Variants in COL4A5 observed in about 807,000 individuals in gnomAD.
The protein encoded by COL4A5 is collagen type IV alpha 5 chain.
In COL4A5, 26 loss-of-function variants were observed where a neutral mutation model predicts 130.2. The ratio of observed to expected loss-of-function variants is 0.20; its 90% CI spans 0.15 to 0.28. The LOEUF (loss-of-function observed/expected upper bound fraction) is 0.28. Among genes scored for constraint, COL4A5 ranks in the 10% least tolerant of loss-of-function variants. The pLI is 1.00. For missense variants in COL4A5, 1,131 were observed against 1,344.3 expected (o/e 0.84, Z 2.48); for synonymous variants, 496 against 439.6 (o/e 1.13, Z -1.60).
At chrX:108,605,134 C>T (rs986555026) in intron 28 of COL4A5, among the ~76,000 whole-genome samples, 3 of 112,287 alleles carry the variant, frequency 2.7e-5, no homozygotes, top group Admixed American at 9.5e-5. Flanking sequence ...TTTTCCTTCA[C>T]ATTCACAACT....
At chrX:108,447,562 G>A (rs1341928717) in intron 1 of COL4A5, among the ~76,000 whole-genome samples, 1 of 111,950 alleles carries the variant, frequency 8.9e-6, no homozygotes, top group African/African-American at 3.3e-5. Flanking sequence ...AAGCTCCTGA[G>A]TGATAGGGAT....
rs371346512 is a variant in COL4A5, at chrX:108,696,699, C to T, written c.*321C>T. 1 of 150,339 alleles carries T rather than the reference C, an allele frequency of 6.7e-6. No individual in the cohort carries two copies. Among genetic ancestry groups the T allele is most frequent in the African/African-American group, 3.1e-5 (1 of 31,826 alleles). 12.4% of individuals were successfully genotyped at this position (150,339 alleles called of 1,213,427 possible). A position where few individuals can be genotyped will look rare whatever the true frequency, so the allele number is the denominator to read the frequency against. ...TTACTAAAATGGTACATTAAAAATT[C>T]AATTAAGAGAAGAGTCACATTGAGT... is the stretch of plus-strand genomic sequence containing the variant. On this transcript the variant is annotated 3_prime_UTR_variant, in exon 53 of 53. Coordinates refer to ENST00000328300, the MANE Select transcript of COL4A5 (RefSeq NM_033380.3).
At position 108,578,307 on chromosome X, in the gene COL4A5, A is replaced by G; in HGVS notation, c.704A>G (p.Gln235Arg). 1 of 1,210,022 alleles carries G rather than the reference A, an allele frequency of 8.3e-7. No homozygotes were observed. The highest frequency in any genetic ancestry group is 1.1e-6 in the Non-Finnish European group (1 of 893,664). Reference protein sequence around the residue: ...PKGEKGEQGLQGPPGPPGQIS... With the variant: ...PKGEKGEQGLRGPPGPPGQIS... ...TGCAAACAGGGTGAGCAAGGTCTTCAGGGCCCACCTGGGCCACCTGGGCAG... is the reference window on the plus strand; with the variant it reads ...TGCAAACAGGGTGAGCAAGGTCTTCGGGGCCCACCTGGGCCACCTGGGCAG... The change falls in exon 13 of 53, where the codon CAG (glutamine) becomes CGG (arginine). Residue 235 changes from glutamine (Q) to arginine (R), a missense_variant. Transcript: ENST00000328300.
intron 13 of COL4A5, 65 bp downstream of exon 13, chrX:108,578,448 G>T: frequency 1.3e-6 from 1 of 749,106 alleles, no homozygotes; most frequent in Non-Finnish European, 2.1e-6. Context: ...TTTGATGGTG[G>T]TAATCACATC....
intron 2 of COL4A5, among the ~76,000 whole-genome samples, chrX:108,550,396 C>T (rs2065733617): frequency 8.9e-6 from 1 of 111,968 alleles, no homozygotes; most frequent in Non-Finnish European, 1.9e-5. Context: ...AATTGTGACT[C>T]ACTATATTAA....
chrX:108,615,063 A>G (rs759040610), intron 30 of COL4A5, 39 bp downstream of exon 30: 3 of 954,954 alleles, frequency 3.1e-6, no homozygotes, highest in East Asian at 6.2e-5. Flanking sequence ...AGCACTCATA[A>G]TATATACATT....
At chrX:108,537,758 A>C (rs2065476923) in intron 1 of COL4A5, among the ~76,000 whole-genome samples, 2 of 111,985 alleles carry the variant, frequency 1.8e-5, no homozygotes, top group Admixed American at 1.9e-4. Flanking sequence ...TCAAATGTTA[A>C]TTATTCTTAC....
intron 36 of COL4A5, among the ~76,000 whole-genome samples, chrX:108,646,440 T>C (rs1262711661): frequency 1.8e-5 from 2 of 111,844 alleles, no homozygotes; most frequent in African/African-American, 6.5e-5. Context: ...TGTTTTTTTC[T>C]TGTAAATTTG....
chrX:108,695,378 A>G lies in COL4A5; in HGVS notation c.4933A>G (p.Asn1645Asp), dbSNP rs1181315377. 1 of 1,211,499 alleles carries G rather than the reference A, an allele frequency of 8.3e-7. No individual in the cohort carries two copies. The highest frequency in any genetic ancestry group is 2.3e-4 in the Middle Eastern group (1 of 4,351). The change falls in exon 52 of 53, where the codon AAC (asparagine) becomes GAC (aspartate). Residue 1645 changes from asparagine (N) to aspartate (D), a missense_variant. By Grantham distance (23) the Asn-to-Asp change is conservative (BLOSUM62 1). Coordinates refer to ENST00000328300, the MANE Select transcript of COL4A5 (RefSeq NM_033380.3). ...CGAATGTCATGGGAGGGGTACCTGT[A>G]ACTACTATGCCAACTCCTACAGCTT... ...FIECHGRGTC[N>D]YYANSYSFWL...
intron 9 of COL4A5, among the ~76,000 whole-genome samples, chrX:108,574,979 A>G (rs779581447): frequency 1.7e-4 from 19 of 110,960 alleles, no homozygotes; most frequent in Admixed American, 1.6e-3. Flanking sequence ...CGTGGAGACA[A>G]GTTCTCACCA....
intron 1 of COL4A5, among the ~76,000 whole-genome samples, chrX:108,486,639 G>A (rs181097443): frequency 2.1e-4 from 23 of 111,400 alleles, no homozygotes; most frequent in African/African-American, 6.5e-4. Context: ...TCATAGCTTA[G>A]CTCCCACTTA....
rs749817240 is a variant in COL4A5, at chrX:108,603,044, G to A, written c.2227G>A (p.Gly743Ser). 2.6e-6 allele frequency: 3 copies of A among 1,173,236 alleles called. No homozygotes were observed. The highest frequency in any genetic ancestry group is 2.3e-5 in the Admixed American group (1 of 44,200). Residue 743 changes from glycine to serine, a missense_variant, in exon 28 of 53, where the codon GGC (glycine) becomes AGC (serine). Gly to Ser is a moderately conservative substitution (Grantham distance 56). Coordinates refer to ENST00000328300, the MANE Select transcript of COL4A5 (RefSeq NM_033380.3). Reference protein sequence around the residue: ...IGLEGPPGPPGFPGPKGEPGF... With the variant: ...IGLEGPPGPPSFPGPKGEPGF... ...TCTAGAAGGCCCTCCTGGGCCACCC[G>A]GCTTTCCAGGACCAAAGGTCTGGGA...
intron 12 of COL4A5, 74 bp from the exon 13 acceptor site, chrX:108,578,217 T>A (rs751906163): frequency 6.7e-5 from 75 of 1,111,312 alleles, no homozygotes; most frequent in Non-Finnish European, 9.1e-5. Context: ...TGAAGTTATC[T>A]TATCTTACAT....
chrX:108,564,875 T>A (rs1371752742), intron 4 of COL4A5, among the ~76,000 whole-genome samples: 2 of 111,586 alleles, frequency 1.8e-5, no homozygotes, highest in African/African-American at 6.5e-5. Flanking sequence ...CTTCTTAACA[T>A]CATGTAGCTT....
chrX:108,635,608 G>T (rs2067337794), intron 36 of COL4A5, among the ~76,000 whole-genome samples: 1 of 111,718 alleles, frequency 9.0e-6, no homozygotes, highest in South Asian at 3.7e-4. Context: ...ACCCAGAATA[G>T]TCAAAGAAAT....
intron 36 of COL4A5, among the ~76,000 whole-genome samples, chrX:108,645,663 T>C (rs901986500): frequency 1.8e-5 from 2 of 108,752 alleles, no homozygotes; most frequent in South Asian, 8.2e-4. Flanking sequence ...ATGTGCCATG[T>C]TGGTGTGCTG....
intron 36 of COL4A5, among the ~76,000 whole-genome samples, chrX:108,629,470 C>A (rs917508657): frequency 9.1e-6 from 1 of 109,869 alleles, no homozygotes; most frequent in Non-Finnish European, 1.9e-5. Context: ...AAGAAATGGG[C>A]AGATTTTGAA....
intron 21 of COL4A5, among the ~76,000 whole-genome samples, chrX:108,593,792 G>A (rs1389862186): frequency 9.0e-6 from 1 of 111,722 alleles, no homozygotes; most frequent in Non-Finnish European, 1.9e-5. Context: ...GCACCAATAC[G>A]ATACTATCTT....
chrX:108,568,718 A>C (rs370279839), intron 5 of COL4A5, 41 bp from the exon 6 acceptor site: 66 of 1,200,035 alleles, frequency 5.5e-5, no homozygotes, highest in Non-Finnish European at 6.8e-5. Flanking sequence ...TTGAAAAGTA[A>C]TCTAAGACAT....
Sources: gnomAD v4.1 joint callset for allele counts (sites outside exome capture counted in the v4.1 genomes callset) on GRCh38, gnomAD v4.1.1 for gene constraint, MANE v1.5 for transcripts, NCBI Gene and HGNC (gene_info 2026-07-23, HGNC 2026-07-21) for gene names.